The following RNASET2 variants were observed in gnomAD, a reference collection of about 807,000 sequenced individuals.
RNASET2 encodes the protein ribonuclease 6.
A neutral mutation model predicts 33.9 loss-of-function variants in RNASET2; 28 were observed. That is an observed-to-expected ratio of 0.83 (90% CI 0.61 to 1.13). The LOEUF is 1.13. RNASET2 is among the 50% of genes most tolerant of loss of function. The pLI is 0.00. For synonymous variants in RNASET2, 123 were observed against 121.0 expected, an observed-to-expected ratio of 1.02 and a Z score of -0.11; for missense variants, 330 against 319.9, an observed-to-expected ratio of 1.03 and a Z score of -0.24.
intron 1 of RNASET2, among the ~76,000 whole-genome samples, chr6:166,955,189 GCACACA>G (rs201397139): frequency 3.5e-5 from 2 of 56,650 alleles, no homozygotes; most frequent in African/African-American, 6.9e-5. Flanking sequence ...ACACACACAC[GCACACA>G]CGCACGCACA....
intron 7 of RNASET2, 69 bp from the exon 8 acceptor site, chr6:166,931,187 C>G (rs1484067958): frequency 2.1e-5 from 24 of 1,129,746 alleles, no homozygotes; most frequent in Non-Finnish European, 3.1e-5. Context: ...CTGGACTATC[C>G]TGAGCGCAAC....
At chr6:166,931,354 T>C in intron 7 of RNASET2, 1 of 565,424 alleles carries the variant, frequency 1.8e-6, no homozygotes, top group Non-Finnish European at 3.2e-6. Flanking sequence ...TTTTCCTCTC[T>C]GCTCCTGTTT....
intron 2 of RNASET2, among the ~76,000 whole-genome samples, chr6:166,952,084 C>T (rs968610590): frequency 2.6e-5 from 4 of 152,186 alleles, no homozygotes; most frequent in Admixed American, 6.5e-5. Context: ...GAGAACACAC[C>T]GTGAAGGAGA....
At chr6:166,955,602 T>C (rs1026548526) in intron 1 of RNASET2, 2 of 991,694 alleles carry the variant, frequency 2.0e-6, no homozygotes, top group African/African-American at 1.7e-5. Flanking sequence ...GCCACCTGCT[T>C]TGTCGCGTCC....
chr6:166,951,008 G>A (rs1335444583), intron 2 of RNASET2, among the ~76,000 whole-genome samples: 2 of 152,136 alleles, frequency 1.3e-5, no homozygotes, highest in Non-Finnish European at 2.9e-5. Flanking sequence ...CCACCAAGAC[G>A]CGGAGACCAG....
Position 166,955,290 on chromosome 6 carries a change from GCACAGA to G in RNASET2, c.86+801_86+806del, listed in dbSNP as rs1319077289. ...ACACACGCGCACACACGACACACAC[GCACAGA>G]CGCGCACACACGACACACACGCACA... On this transcript the variant is annotated intron_variant, in intron 1 of 8. Transcript: ENST00000508775. 2.9e-3 allele frequency among the ~76,000 whole-genome samples: 197 copies of G among 68,472 alleles called. 1 individual carries two copies. The highest frequency in any genetic ancestry group is 5.3e-3 in the African/African-American group (67 of 12,626). 44.9% of individuals were successfully genotyped at this position (68,472 alleles called of 152,430 possible). A position where few individuals can be genotyped will look rare whatever the true frequency, so the allele number is the denominator to read the frequency against.
At chr6:166,936,436 G>C (rs930341345) in intron 6 of RNASET2, among the ~76,000 whole-genome samples, 11 of 152,150 alleles carry the variant, frequency 7.2e-5, no homozygotes, top group African/African-American at 2.4e-4. Flanking sequence ...TTTAAAAAAA[G>C]AGGTTTTTTT....
intron 4 of RNASET2, 156 bp from the exon 5 acceptor site, chr6:166,943,245 T>A: frequency 3.2e-6 from 2 of 617,574 alleles, no homozygotes; most frequent in Non-Finnish European, 5.8e-6. Context: ...TTGTATGAAG[T>A]GTTTGTTAAG....
chr6:166,936,699 G>A (rs1330467821), intron 6 of RNASET2, among the ~76,000 whole-genome samples: 1 of 152,160 alleles, frequency 6.6e-6, no homozygotes, highest in Non-Finnish European at 1.5e-5. Context: ...ATCCTTCCCC[G>A]CAGCTCAAAC....
chr6:166,943,181 T>C (rs761220613), intron 4 of RNASET2, 92 bp from the exon 5 acceptor site: 9 of 860,008 alleles, frequency 1.0e-5, no homozygotes, highest in Non-Finnish European at 1.3e-5. Context: ...CACCAAAGAA[T>C]TGAGCTCTGC....
chr6:166,933,556 GC>G lies in RNASET2; in HGVS notation c.492+534del, dbSNP rs1778497065. 5.9e-6 allele frequency: 1 copy of G among 169,386 alleles called. No individual in the cohort carries two copies. The highest frequency in any genetic ancestry group is 1.5e-4 in the South Asian group (1 of 6,764). 10.5% of individuals were successfully genotyped at this position (169,386 alleles called of 1,614,324 possible). A position where few individuals can be genotyped will look rare whatever the true frequency, so the allele number is the denominator to read the frequency against. On this transcript the variant is annotated intron_variant, in intron 7 of 8. Coordinates refer to ENST00000508775, the MANE Select transcript of RNASET2 (RefSeq NM_003730.6). The surrounding 1 kb of genome is among the most constrained non-coding windows in gnomAD (Gnocchi z 4.1). ...TTCTTTCTAGAGGTCTCACTCTGCT[GC>G]CCAGGCTGGTCTCGAAATTCTAGCC...
At chr6:166,929,844 A>G in intron 8 of RNASET2, 53 bp from the exon 9 acceptor site, 1 of 1,522,490 alleles carries the variant, frequency 6.6e-7, no homozygotes, top group Non-Finnish European at 9.1e-7. Flanking sequence ...GATTATCATC[A>G]AGGTCTTAAG....
At chr6:166,929,905 C>A in intron 8 of RNASET2, 114 bp from the exon 9 acceptor site, 1 of 998,062 alleles carries the variant, frequency 1.0e-6, no homozygotes, top group Non-Finnish European at 1.5e-6. Context: ...AGGCTCCACA[C>A]CACAGGTTCT....
intron 1 of RNASET2, among the ~76,000 whole-genome samples, chr6:166,953,755 G>A (rs1402011321): frequency 6.6e-6 from 1 of 151,988 alleles, no homozygotes; most frequent in South Asian, 2.1e-4. Flanking sequence ...GCATGAACCT[G>A]TAGTCCCAGC....
intron 7 of RNASET2, chr6:166,931,410 C>T (rs2296856): frequency 0.011 from 5,337 of 475,958 alleles, 202 homozygotes; most frequent in East Asian, 0.078. Flanking sequence ...TTCTGGGCCC[C>T]GAGCTGTCTC....
At chr6:166,937,327 G>A (rs768258602) in intron 6 of RNASET2, among the ~76,000 whole-genome samples, 6 of 152,016 alleles carry the variant, frequency 3.9e-5, no homozygotes, top group South Asian at 2.1e-4. Flanking sequence ...AGTAGAGATG[G>A]GATTTCACCA....
chr6:166,949,841 C>T (rs567666463), intron 2 of RNASET2, among the ~76,000 whole-genome samples: 1 of 152,264 alleles, frequency 6.6e-6, no homozygotes, highest in Admixed American at 6.5e-5. Flanking sequence ...TGGGAGAGCC[C>T]AGAACACTGA....
chr6:166,929,618 G>T lies in RNASET2; in HGVS notation c.741C>A (p.Phe247Leu), dbSNP rs140357917. ...GLRVCEDGPV[F>L]YPPPKKTKH ...GCTTGGTCTTTTTAGGTGGGGGATAGAAGACTGGGCCATCTTCACAGACTC... is the reference window on the plus strand; with the variant it reads ...GCTTGGTCTTTTTAGGTGGGGGATATAAGACTGGGCCATCTTCACAGACTC... The change falls in exon 9 of 9, where the codon TTC becomes TTA. Residue 247 changes from phenylalanine (F) to leucine (L), a missense_variant. Transcript: ENST00000508775. 2.5e-4 allele frequency: 398 copies of T among 1,614,182 alleles called. 2 individuals carry two copies. In the East Asian group the frequency reaches 3.7e-3, roughly 15 times the overall value.
rs1352332216 is a variant in RNASET2, at chr6:166,923,518, C to A, written c.*6070G>T. On this transcript the variant is annotated 3_prime_UTR_variant, in exon 9 of 9. Transcript: ENST00000508775. ...TACAGGTATAAGCCACTGCGCCTGGCCCATCTCAAACTTTCTAATAACTAT... is the reference window on the plus strand; with the variant it reads ...TACAGGTATAAGCCACTGCGCCTGGACCATCTCAAACTTTCTAATAACTAT... Among the ~76,000 whole-genome samples the A allele has an allele frequency of 6.6e-6, 1 of 151,978 alleles. No homozygotes were observed. The highest frequency in any genetic ancestry group is 1.5e-5 in the Non-Finnish European group (1 of 68,002).
Sources: gnomAD v4.1 joint callset for allele counts (sites outside exome capture counted in the v4.1 genomes callset) on GRCh38, gnomAD v4.1.1 for gene constraint, Gnocchi (gnomAD v3.1) non-coding constraint, MANE v1.5 for transcripts, NCBI Gene and HGNC (gene_info 2026-07-23, HGNC 2026-07-21) for gene names.